The following SRGAP2B variants were observed in gnomAD, a reference collection of about 807,000 sequenced individuals.
SRGAP2B encodes SLIT-ROBO Rho GTPase-activating protein 2B.
SRGAP2B carries 9 observed loss-of-function variants against 22.2 expected under a neutral mutation model. The ratio of observed to expected loss-of-function variants is 0.41; its 90% CI spans 0.24 to 0.71. The LOEUF is 0.71. Ranked by LOEUF, SRGAP2B falls within the 30% of genes least tolerant of loss-of-function variation. The pLI, the probability that SRGAP2B is intolerant of heterozygous loss-of-function variation, is 0.35. For synonymous variants in SRGAP2B, 36 were observed against 87.4 expected, an observed-to-expected ratio of 0.41 and a Z score of 3.28; for missense variants, 114 against 235.8, an observed-to-expected ratio of 0.48 and a Z score of 3.38.
At position 144,934,475 on chromosome 1, in the gene SRGAP2B, A is replaced by G. The variant is rs1205804731; in HGVS notation, c.424-19721T>C. 2.0e-5 allele frequency among the ~76,000 whole-genome samples: 3 copies of G among 148,018 alleles called. No individual in the cohort carries two copies. The East Asian group carries it at 5.9e-4, about 29-fold the overall frequency. On this transcript the variant is annotated intron_variant, in intron 4 of 9. Transcript: ENST00000612199. The stretch of plus-strand genomic sequence containing the variant: ...TGCCTGTTAATCTATAAAAAATGTG[A>G]TATTTCCCCCCATTTCAGAATTTTT...
At chr1:144,906,212 T>C in intron 5 of SRGAP2B, 138 bp from the exon 6 acceptor site, 1 of 587,112 alleles carries the variant, frequency 1.7e-6, no homozygotes, top group South Asian at 2.0e-5. Flanking sequence ...AATCCAGAAG[T>C]GTTTGGTTCA....
chr1:145,085,046 G>A (rs1653286947), intron 2 of SRGAP2B, among the ~76,000 whole-genome samples: 1 of 150,984 alleles, frequency 6.6e-6, no homozygotes. Context: ...GGATTCAAGC[G>A]ATTCTCCTCC....
chr1:144,992,252 TTAAGAGC>T (rs1670305243), intron 3 of SRGAP2B, among the ~76,000 whole-genome samples: 1 of 150,736 alleles, frequency 6.6e-6, no homozygotes, highest in South Asian at 2.1e-4. Flanking sequence ...ACACACCACC[TTAAGAGC>T]TGTAACACTC....
At chr1:144,982,906 A>C (rs1483804460) in intron 3 of SRGAP2B, among the ~76,000 whole-genome samples, 6 of 149,236 alleles carry the variant, frequency 4.0e-5, no homozygotes, top group African/African-American at 1.3e-4. Flanking sequence ...ACAATGACCT[A>C]AGGTTCTACA....
intron 2 of SRGAP2B, among the ~76,000 whole-genome samples, chr1:145,007,802 C>CTTTTT (rs880001624): frequency 8.4e-4 from 85 of 101,148 alleles, no homozygotes; most frequent in Middle Eastern, 6.3e-3. Context: ...ATTTCTTCTT[C>CTTTTT]TTTTTTTTTT....
intron 5 of SRGAP2B, among the ~76,000 whole-genome samples, chr1:144,911,841 G>C (rs1553350058): frequency 6.9e-6 from 1 of 143,926 alleles, no homozygotes; most frequent in Non-Finnish European, 1.5e-5. Flanking sequence ...GGATGGTCTC[G>C]ATCTCCTGAC....
intron 2 of SRGAP2B, among the ~76,000 whole-genome samples, chr1:145,047,175 CAAA>C (rs4058382): frequency 1.2e-3 from 18 of 14,572 alleles, no homozygotes; most frequent in African/African-American, 8.3e-3. Flanking sequence ...GACTCTGTCT[CAAA>C]AAAAAAAAAA....
rs12139757 is a variant in SRGAP2B at position 145,035,845 on chromosome 1, G to A, written c.68-40645C>T. Among the ~76,000 whole-genome samples the A allele has an allele frequency of 6.8e-5, 10 of 146,322 alleles. 1 individual carries two copies. Among genetic ancestry groups the A allele is most frequent in the South Asian group, 2.2e-4 (1 of 4,536 alleles). ...GGAACAAGGTAAATGATTCAGTTAC[G>A]CTCTGTATTCATGCTCTTTTACTAA... On this transcript the variant is annotated intron_variant, in intron 2 of 9. Coordinates refer to ENST00000612199, the Ensembl canonical transcript of SRGAP2B.
intron 2 of SRGAP2B, among the ~76,000 whole-genome samples, chr1:145,075,683 C>A (rs1571146729): frequency 7.8e-6 from 1 of 128,824 alleles, no homozygotes. Context: ...GCAGGTATTG[C>A]AACCTATAAT....
intron 4 of SRGAP2B, among the ~76,000 whole-genome samples, chr1:144,927,225 C>T (rs1308932528): frequency 6.7e-6 from 1 of 149,422 alleles, no homozygotes; most frequent in Non-Finnish European, 1.5e-5. Context: ...GCTGGGATTA[C>T]AGGCATGAGC....
chr1:144,952,702 T>G (rs1553609600), intron 4 of SRGAP2B, among the ~76,000 whole-genome samples: 1 of 150,560 alleles, frequency 6.6e-6, no homozygotes, highest in East Asian at 1.9e-4. Context: ...AGCAGTGGCA[T>G]GATCACGGCT....
At chr1:145,047,153 G>C in intron 2 of SRGAP2B, among the ~76,000 whole-genome samples, 1 of 127,084 alleles carries the variant, frequency 7.9e-6, no homozygotes, top group Non-Finnish European at 1.6e-5. Flanking sequence ...CCCAGACTGG[G>C]CAACAGAGCA....
intron 2 of SRGAP2B, among the ~76,000 whole-genome samples, chr1:145,073,121 C>T (rs1383396304): frequency 6.6e-6 from 1 of 150,490 alleles, no homozygotes; most frequent in Non-Finnish European, 1.5e-5. Flanking sequence ...TTCCTGCACA[C>T]AAACACGAAG....
intron 4 of SRGAP2B, among the ~76,000 whole-genome samples, chr1:144,948,962 C>T (rs1294624870): frequency 1.0e-5 from 1 of 99,176 alleles, no homozygotes; most frequent in Non-Finnish European, 2.0e-5. Flanking sequence ...ATCACAAAAG[C>T]TTTATGAATA....
chr1:144,966,347 A>T (rs1668082572), intron 3 of SRGAP2B, among the ~76,000 whole-genome samples: 1 of 149,362 alleles, frequency 6.7e-6, no homozygotes, highest in Non-Finnish European at 1.5e-5. Context: ...CAACATTCTT[A>T]AAGAAAAGAA....
intron 3 of SRGAP2B, among the ~76,000 whole-genome samples, chr1:144,980,721 CT>C (rs1172310582): frequency 2.3e-4 from 34 of 148,458 alleles, no homozygotes; most frequent in Non-Finnish European, 3.6e-4. Context: ...CCAAATCCTA[CT>C]TTTTTTTTCA....
intron 3 of SRGAP2B, among the ~76,000 whole-genome samples, chr1:144,958,133 C>T (rs1256186744): frequency 6.6e-6 from 1 of 151,026 alleles, no homozygotes; most frequent in Non-Finnish European, 1.5e-5. Context: ...TAAAGTAGAA[C>T]TTTAATGGTG....
rs11802863 is a variant in SRGAP2B, at chr1:144,995,296, G to A, written c.68-96C>T. 215 of 413,066 alleles carry A rather than the reference G, an allele frequency of 5.2e-4. 1 individual carries two copies. In the African/African-American group the frequency reaches 7.1e-3, roughly 14 times the overall value. 25.6% of individuals were successfully genotyped at this position (413,066 alleles called of 1,614,324 possible). ...CCCACCTTCCACTTACTTATTCCCC[G>A]TGCCCTGGGAAATTGAAAGCCCTGA... On this transcript the variant is annotated intron_variant, in intron 2 of 9. Coordinates refer to ENST00000612199, the Ensembl canonical transcript of SRGAP2B.
chr1:145,093,603 G>A (rs1654161394), intron 1 of SRGAP2B, among the ~76,000 whole-genome samples, 160 bp from the exon 2 acceptor site: 1 of 136,504 alleles, frequency 7.3e-6, no homozygotes, highest in Non-Finnish European at 1.5e-5. Flanking sequence ...GAGGTGGGGA[G>A]GAAGGAAGCT....
Sources: allele counts gnomAD v4.1 joint callset (sites outside exome capture counted in the v4.1 genomes callset), GRCh38; gene constraint gnomAD v4.1.1; transcripts MANE v1.5; gene names NCBI Gene and HGNC (gene_info 2026-07-23, HGNC 2026-07-21).